DNAH5: variants seen among roughly 807,000 people sequenced by gnomAD.
DNAH5 encodes dynein axonemal heavy chain 5.
A neutral mutation model predicts 518.2 loss-of-function variants in DNAH5; 372 were observed. The ratio of observed to expected loss-of-function variants is 0.72; its 90% confidence interval spans 0.66 to 0.78. The LOEUF is 0.78. DNAH5 is among the 30% of genes least tolerant of loss of function. The pLI, the probability that DNAH5 is intolerant of heterozygous loss-of-function variation, is 0.00. For missense variants in DNAH5, 5,523 were observed against 5,687.0 expected (o/e 0.97, Z 0.93); for synonymous variants, 2,039 against 2,025.9 (o/e 1.01, Z -0.17).
intron 1 of DNAH5, among the ~76,000 whole-genome samples, chr5:13,983,377 T>C (rs1476691032): frequency 1.3e-5 from 2 of 152,218 alleles, no homozygotes; most frequent in African/African-American, 4.8e-5. Flanking sequence ...AGGAACCCCT[T>C]ACACTCTTAA....
At chr5:13,964,484 C>G (rs1267712475) in intron 1 of DNAH5, among the ~76,000 whole-genome samples, 1 of 152,210 alleles carries the variant, frequency 6.6e-6, no homozygotes, top group South Asian at 2.1e-4. Flanking sequence ...AGATGGGAAC[C>G]AAGAGGGGCT....
chr5:13,861,071 A>G (rs1336319896), intron 29 of DNAH5, among the ~76,000 whole-genome samples: 2 of 152,232 alleles, frequency 1.3e-5, no homozygotes, highest in Non-Finnish European at 2.9e-5. Context: ...TAAAGGTTCA[A>G]TAAATATATA....
At position 13,752,420 on chromosome 5, in the gene DNAH5, T is replaced by G; in HGVS notation, c.10873-131A>C. On this transcript the variant is annotated intron_variant, in intron 63 of 78. Coordinates refer to ENST00000265104, the MANE Select transcript of DNAH5 (RefSeq NM_001369.3). ...AATACAAATTGAGCATCCAAAATGT[T>G]CCCAAATACAAAACTTGTTGAGAGC... is the stretch of plus-strand genomic sequence containing the variant. 4 of 1,118,136 alleles carry G rather than the reference T, an allele frequency of 3.6e-6. No individual in the cohort carries two copies. In the South Asian group the frequency reaches 5.3e-5, roughly 15 times the overall value. The allele number at this position is 1,118,136 out of a possible 1,614,324, so 69.3% of individuals were successfully genotyped here.
At chr5:13,863,401 T>C (rs766801077) in intron 28 of DNAH5, among the ~76,000 whole-genome samples, 3 of 152,132 alleles carry the variant, frequency 2.0e-5, no homozygotes, top group Admixed American at 6.5e-5. Flanking sequence ...ATCAGACTCA[T>C]GTCCCTAATC....
intron 1 of DNAH5, among the ~76,000 whole-genome samples, chr5:13,987,271 C>T (rs1038025358): frequency 1.1e-4 from 17 of 152,158 alleles, no homozygotes; most frequent in Admixed American, 2.6e-4. Context: ...GGAACTCAAT[C>T]CAAGACATTC....
chr5:13,801,032 G>T (rs1284971765), intron 47 of DNAH5, among the ~76,000 whole-genome samples: 1 of 152,166 alleles, frequency 6.6e-6, no homozygotes. Context: ...AAGAAACCTG[G>T]AGTCATCTTT....
intron 60 of DNAH5, among the ~76,000 whole-genome samples, chr5:13,761,211 T>A (rs61267472): frequency 0.13 from 19,850 of 152,154 alleles, 1,627 homozygotes; most frequent in South Asian, 0.26. Flanking sequence ...GTTCAGAATG[T>A]CCATGTTTAA....
chr5:13,856,134 C>A (rs2652774), intron 30 of DNAH5, among the ~76,000 whole-genome samples: 66,982 of 151,822 alleles, frequency 0.44, 14,976 homozygotes, highest in South Asian at 0.5. Flanking sequence ...GAAGACAAGA[C>A]ATAACTAAGA....
intron 40 of DNAH5, among the ~76,000 whole-genome samples, chr5:13,821,494 C>T (rs1005951649): frequency 1.3e-5 from 2 of 152,152 alleles, no homozygotes; most frequent in African/African-American, 2.4e-5. Flanking sequence ...ATGCTATTAA[C>T]ATCTTCCTTT....
chr5:13,921,687 A>T (rs1014091849), intron 5 of DNAH5, among the ~76,000 whole-genome samples: 5 of 143,204 alleles, frequency 3.5e-5, no homozygotes, highest in Admixed American at 2.1e-4. Flanking sequence ...AAACATATCA[A>T]TTCCTCTTTC....
rs1229494109 is a variant in DNAH5, at chr5:13,983,421, G to T, written c.12+28227C>A. On this transcript the variant is annotated intron_variant, in intron 1 of 78. Transcript: ENST00000681290. ...AAGGACTCCAAAGAACCTTTGTGTG[G>T]GGAGGTTATAGCTATTGATATTTAC... Among the ~76,000 whole-genome samples the T allele has an allele frequency of 2.0e-5, 3 of 152,252 alleles. No individual in the cohort carries two copies. The East Asian group carries it at 5.8e-4, about 29-fold the overall frequency.
chr5:13,812,055 A>G (rs1760785528), intron 43 of DNAH5, among the ~76,000 whole-genome samples: 1 of 152,224 alleles, frequency 6.6e-6, no homozygotes, highest in South Asian at 2.1e-4. Context: ...ACATGAGGAA[A>G]CAGAGGCCCA....
intron 75 of DNAH5, among the ~76,000 whole-genome samples, chr5:13,709,458 T>C (rs974595872): frequency 3.3e-5 from 5 of 152,112 alleles, no homozygotes; most frequent in African/African-American, 9.7e-5. Context: ...CAAAGGATAA[T>C]TGAAGATTTA....
chr5:13,724,156 C>A (rs953262608), intron 70 of DNAH5, among the ~76,000 whole-genome samples: 17 of 152,368 alleles, frequency 1.1e-4, no homozygotes, highest in African/African-American at 4.1e-4. Flanking sequence ...CACCAGCCAG[C>A]AGGACAATAA....
rs1395342277 is a variant in DNAH5, at chr5:13,862,646, T to A, written c.4698A>T (p.Lys1566Asn). ...DNKTFTFGSF[K>N]TRGELLLRGD... ...CTCTCAAGAGGAGCTCTCCACGGGTTTTAAAGCTGCCGAAGGTGAATGTTT... is the reference window on the plus strand; with the variant it reads ...CTCTCAAGAGGAGCTCTCCACGGGTATTAAAGCTGCCGAAGGTGAATGTTT... Residue 1566 changes from lysine to asparagine, a missense_variant, in exon 29 of 79, where the codon AAA becomes AAT. By Grantham distance (94) the Lys-to-Asn change is moderately conservative (BLOSUM62 0). Transcript: ENST00000265104. The A allele has an allele frequency of 6.2e-7, 1 of 1,613,996 alleles. No individual in the cohort carries two copies. The highest frequency in any genetic ancestry group is 8.5e-7 in the Non-Finnish European group (1 of 1,179,928).
intron 61 of DNAH5, among the ~76,000 whole-genome samples, chr5:13,756,273 A>G (rs780631942): frequency 1.3e-5 from 2 of 152,194 alleles, no homozygotes; most frequent in Admixed American, 6.5e-5. Context: ...ATGGAGTCCT[A>G]TGGAGGGAGA....
intron 44 of DNAH5, 38 bp from the exon 45 acceptor site, chr5:13,810,298 C>A (rs1161686337): frequency 6.5e-7 from 1 of 1,530,288 alleles, no homozygotes; most frequent in Admixed American, 2.0e-5. Flanking sequence ...TAACTTGATT[C>A]TGAAACCCAA....
intron 1 of DNAH5, among the ~76,000 whole-genome samples, chr5:13,983,220 C>G (rs1173789861): frequency 6.6e-6 from 1 of 152,162 alleles, no homozygotes; most frequent in Non-Finnish European, 1.5e-5. Flanking sequence ...CTGAGAACAC[C>G]TTCCAAATGG....
intron 1 of DNAH5, among the ~76,000 whole-genome samples, chr5:14,009,547 AT>A (rs1784973266): frequency 6.6e-6 from 1 of 152,244 alleles, no homozygotes; most frequent in Non-Finnish European, 1.5e-5. Context: ...AGAATGCATA[AT>A]CAATTATTAG....
Sources: allele counts gnomAD v4.1 joint callset (sites outside exome capture counted in the v4.1 genomes callset), GRCh38; gene constraint gnomAD v4.1.1; transcripts MANE v1.5; gene names NCBI Gene and HGNC (gene_info 2026-07-23, HGNC 2026-07-21).